MITF: variants seen among roughly 807,000 people sequenced by gnomAD.
The protein encoded by MITF is microphthalmia-associated transcription factor.
In MITF, 17 loss-of-function variants were observed where a neutral mutation model predicts 60.5. The observed-to-expected ratio is 0.28, with a 90% confidence interval of 0.19 to 0.42. The LOEUF is 0.42. MITF is among the 10% of genes least tolerant of loss of function. The probability of loss-of-function intolerance (pLI) is 1.00; values close to 1 mark genes in which losing one functional copy is unlikely to be tolerated. For synonymous variants in MITF, 260 were observed against 248.5 expected, an observed-to-expected ratio of 1.05 and a Z score of -0.43; for missense variants, 622 against 683.5, an observed-to-expected ratio of 0.91 and a Z score of 1.00.
chr3:69,910,666 A>C (rs907818593), intron 2 of MITF, among the ~76,000 whole-genome samples: 1 of 152,184 alleles, frequency 6.6e-6, no homozygotes, highest in African/African-American at 2.4e-5. Flanking sequence ...TTGGAGCTTT[A>C]AAATTTGACT....
intron 1 of MITF, among the ~76,000 whole-genome samples, chr3:69,834,343 TA>T (rs2063504742): frequency 6.6e-6 from 1 of 152,214 alleles, no homozygotes; most frequent in South Asian, 2.1e-4. Context: ...TAGTTTCTGG[TA>T]ACTACTGTTC....
intron 1 of MITF, among the ~76,000 whole-genome samples, chr3:69,817,899 C>T (rs989972654): frequency 6.6e-6 from 1 of 152,110 alleles, no homozygotes; most frequent in Non-Finnish European, 1.5e-5. Flanking sequence ...TTGTAATATC[C>T]TGCATTGTGT....
intron 1 of MITF, among the ~76,000 whole-genome samples, chr3:69,789,478 A>C (rs2062704469): frequency 6.6e-6 from 1 of 152,168 alleles, no homozygotes; most frequent in Admixed American, 6.5e-5. Context: ...TATTAAAGAA[A>C]AATAATGACT....
chr3:69,818,344 C>G (rs2063214059), intron 1 of MITF, among the ~76,000 whole-genome samples: 1 of 152,162 alleles, frequency 6.6e-6, no homozygotes, highest in South Asian at 2.1e-4. Context: ...GTGTCCTGTT[C>G]ATTCTCTTGA....
intron 5 of MITF, among the ~76,000 whole-genome samples, chr3:69,943,914 G>A (rs889762239): frequency 3.9e-5 from 6 of 151,920 alleles, no homozygotes; most frequent in African/African-American, 1.5e-4. Context: ...AACTTAGAGA[G>A]AATCCGTCTC....
intron 2 of MITF, among the ~76,000 whole-genome samples, chr3:69,931,250 A>G (rs12106831): frequency 0.015 from 2,325 of 152,290 alleles, 26 homozygotes; most frequent in Middle Eastern, 0.051. Context: ...ATATCCACTC[A>G]TAATGTCTTA....
intron 1 of MITF, chr3:69,762,750 C>T: frequency 4.5e-6 from 1 of 222,798 alleles, no homozygotes; most frequent in Non-Finnish European, 9.0e-6. Context: ...AGATTGAATC[C>T]TCATCTCTCC....
intron 2 of MITF, chr3:69,936,655 A>T: frequency 6.2e-7 from 1 of 1,606,714 alleles, no homozygotes; most frequent in South Asian, 1.1e-5. Flanking sequence ...TCAAATTGGA[A>T]TTATAGAAAG....
intron 1 of MITF, among the ~76,000 whole-genome samples, chr3:69,797,408 A>T (rs1176144437): frequency 6.6e-6 from 1 of 152,172 alleles, no homozygotes; most frequent in Non-Finnish European, 1.5e-5. Flanking sequence ...ATTTTCTGGG[A>T]ATGAATGGAC....
intron 1 of MITF, among the ~76,000 whole-genome samples, chr3:69,854,273 G>T (rs2063877438): frequency 6.6e-6 from 1 of 152,140 alleles, no homozygotes; most frequent in Non-Finnish European, 1.5e-5. Context: ...ATAATTTAAT[G>T]TTTACAATGA....
intron 1 of MITF, among the ~76,000 whole-genome samples, chr3:69,762,195 T>A (rs1301431035): frequency 1.3e-5 from 2 of 152,200 alleles, no homozygotes; most frequent in African/African-American, 4.8e-5. Flanking sequence ...GATATAATGA[T>A]CTAGCAGAGA....
intron 1 of MITF, among the ~76,000 whole-genome samples, chr3:69,839,381 T>TG (rs1491567938): frequency 3.1e-5 from 2 of 64,834 alleles, no homozygotes; most frequent in Non-Finnish European, 9.4e-5. Flanking sequence ...TGTGATTTTC[T>TG]TTTTTTTTTT....
chr3:69,789,181 A>G (rs182102725), intron 1 of MITF, among the ~76,000 whole-genome samples: 30 of 152,384 alleles, frequency 2.0e-4, no homozygotes, highest in Non-Finnish European at 3.2e-4. Flanking sequence ...AAATGACACA[A>G]TCATCAGACT....
chr3:69,920,377 C>T (rs998273926), intron 2 of MITF, among the ~76,000 whole-genome samples: 1 of 152,162 alleles, frequency 6.6e-6, no homozygotes, highest in South Asian at 2.1e-4. Context: ...GGCCTGACAT[C>T]AGTCAGGCTT....
At chr3:69,834,308 A>G (rs1358956080) in intron 1 of MITF, among the ~76,000 whole-genome samples, 2 of 152,054 alleles carry the variant, frequency 1.3e-5, no homozygotes, top group African/African-American at 4.8e-5. Flanking sequence ...ACCTGTCCCT[A>G]TCCTTTCTTC....
chr3:69,771,934 G>A (rs753698266), intron 1 of MITF, among the ~76,000 whole-genome samples: 5 of 152,170 alleles, frequency 3.3e-5, no homozygotes, highest in Non-Finnish European at 4.4e-5. Context: ...TTATGTGTGT[G>A]TTGGGCTATA....
At chr3:69,940,830 A>G (rs982165921) in intron 4 of MITF, among the ~76,000 whole-genome samples, 7 of 152,222 alleles carry the variant, frequency 4.6e-5, no homozygotes, top group African/African-American at 1.2e-4. Flanking sequence ...TTGTGAAAGC[A>G]TGGGTTAAAT....
intron 6 of MITF, among the ~76,000 whole-genome samples, chr3:69,951,578 T>G (rs2066255544): frequency 6.6e-6 from 1 of 151,978 alleles, no homozygotes; most frequent in Non-Finnish European, 1.5e-5. Flanking sequence ...TTACCAGGGT[T>G]TTTTTTTACC....
chr3:69,764,638 T>A (rs1050941730), intron 1 of MITF, among the ~76,000 whole-genome samples: 19 of 152,228 alleles, frequency 1.2e-4, no homozygotes, highest in African/African-American at 4.6e-4. Context: ...CACTTTGGAC[T>A]GTCTTCTACC....
Sources: allele counts gnomAD v4.1 joint callset (sites outside exome capture counted in the v4.1 genomes callset), GRCh38; gene constraint gnomAD v4.1.1; transcripts MANE v1.5; gene names NCBI Gene and HGNC (gene_info 2026-07-23, HGNC 2026-07-21).